ARHGAP5: variants seen among roughly 807,000 people sequenced by gnomAD.
ARHGAP5 encodes Rho GTPase activating protein 5.
In ARHGAP5, 23 loss-of-function variants were observed where a neutral mutation model predicts 116.6. The observed-to-expected ratio is 0.20, with a 90% CI of 0.14 to 0.28. The LOEUF (loss-of-function observed/expected upper bound fraction) is 0.28. Among genes scored for constraint, ARHGAP5 ranks in the 10% least tolerant of loss-of-function variants. The probability of loss-of-function intolerance (pLI) is 1.00; values close to 1 mark genes in which losing one functional copy is unlikely to be tolerated. For missense variants in ARHGAP5, 1,405 were observed against 1,774.8 expected (o/e 0.79, Z 3.74); for synonymous variants, 574 against 602.0 (o/e 0.95, Z 0.68).
intron 2 of ARHGAP5, among the ~76,000 whole-genome samples, chr14:32,108,121 A>G (rs1380762542): frequency 6.6e-6 from 1 of 152,176 alleles, no homozygotes; most frequent in Non-Finnish European, 1.5e-5. Context: ...TCTGGTCGTG[A>G]CAAGCGGTTT....
At chr14:32,081,903 G>A (rs1160830676) in intron 1 of ARHGAP5, among the ~76,000 whole-genome samples, 2 of 152,140 alleles carry the variant, frequency 1.3e-5, no homozygotes, top group Non-Finnish European at 1.5e-5. Flanking sequence ...CTAGAGCAGC[G>A]ATCCTTTTTG....
At chr14:32,115,527 G>A (rs1267118153) in intron 2 of ARHGAP5, among the ~76,000 whole-genome samples, 10 of 151,878 alleles carry the variant, frequency 6.6e-5, no homozygotes, top group Admixed American at 2.6e-4. Flanking sequence ...TTAGCCGGGC[G>A]TGGTGGCGGG....
intron 2 of ARHGAP5, among the ~76,000 whole-genome samples, chr14:32,108,486 G>A (rs1879123154): frequency 6.6e-6 from 1 of 151,868 alleles, no homozygotes; most frequent in Non-Finnish European, 1.5e-5. Flanking sequence ...ATTATAGAGG[G>A]AAAAGATGAA....
intron 3 of ARHGAP5, among the ~76,000 whole-genome samples, chr14:32,118,038 T>C (rs995967551): frequency 6.6e-6 from 1 of 152,228 alleles, no homozygotes; most frequent in African/African-American, 2.4e-5. Context: ...TTGTTACTAA[T>C]GAACCCTTGA....
chr14:32,078,411 G>A (rs1283609040), intron 1 of ARHGAP5: 1 of 152,172 alleles, frequency 6.6e-6, no homozygotes, highest in African/African-American at 2.4e-5. Flanking sequence ...TTAATAAATG[G>A]GAATTCAAAT....
chr14:32,080,809 G>T (rs2041764664), intron 1 of ARHGAP5, among the ~76,000 whole-genome samples: 1 of 152,004 alleles, frequency 6.6e-6, no homozygotes, highest in African/African-American at 2.4e-5. Context: ...TTTGGAAGCT[G>T]TCTACAGTAC....
rs764275676 is a variant in ARHGAP5, at chr14:32,093,118, A to G, written c.2449A>G (p.Met817Val). 9.3e-6 allele frequency: 15 copies of G among 1,613,842 alleles called. 2 individuals are homozygous for G. In the South Asian group the frequency reaches 1.6e-4, roughly 18 times the overall value. ...AAQAGQNNSL[M>V]LDKIIGEKRR... The stretch of plus-strand genomic sequence containing the variant: ...TCAAGCTGGACAGAATAATTCCCTA[A>G]TGCTTGATAAAATCATTGGTGAAAA... Residue 817 changes from methionine (M) to valine (V), a missense_variant, in exon 2 of 7, where the codon ATG becomes GTG. By Grantham distance (21) the Met-to-Val change is conservative (BLOSUM62 1). Coordinates refer to ENST00000345122, the MANE Select transcript of ARHGAP5 (RefSeq NM_001030055.2).
chr14:32,100,668 G>A (rs1878750530), intron 2 of ARHGAP5, among the ~76,000 whole-genome samples: 2 of 152,204 alleles, frequency 1.3e-5, no homozygotes, highest in African/African-American at 2.4e-5. Flanking sequence ...TCGGATTTTA[G>A]TGTCCACAGA....
At chr14:32,124,967 A>G (rs973292970) in intron 3 of ARHGAP5, among the ~76,000 whole-genome samples, 1 of 152,228 alleles carries the variant, frequency 6.6e-6, no homozygotes, top group Non-Finnish European at 1.5e-5. Context: ...ATGATTATCA[A>G]CATTTGAATG....
intron 3 of ARHGAP5, among the ~76,000 whole-genome samples, chr14:32,126,998 C>CT (rs772990418): frequency 0.016 from 2,187 of 134,482 alleles, 29 homozygotes; most frequent in African/African-American, 0.022. Context: ...AATATGATAT[C>CT]TTTTTTTTTT....
chr14:32,093,741 C>T lies in ARHGAP5; in HGVS notation c.3072C>T (p.Thr1024=). Residue 1024 remains threonine, a synonymous_variant, in exon 2 of 7, where the codon ACC becomes ACT. Transcript: ENST00000345122. The part of the protein sequence containing the change: ...LEGNEYPIHS[T]PNCHDHERNH... Reference sequence around the variant, plus strand: ...GAAATGAGTATCCTATTCATAGTACCCCAAACTGTCATGACCATGAACGCA... The same window carrying T: ...GAAATGAGTATCCTATTCATAGTACTCCAAACTGTCATGACCATGAACGCA... 2 of 1,613,908 alleles carry T rather than the reference C, an allele frequency of 1.2e-6. No homozygotes were observed. The highest frequency in any genetic ancestry group is 1.7e-6 in the Non-Finnish European group (2 of 1,179,962).
chr14:32,134,191 GTA>G (rs962206817), intron 3 of ARHGAP5, among the ~76,000 whole-genome samples: 1 of 151,948 alleles, frequency 6.6e-6, no homozygotes, highest in Admixed American at 6.6e-5. Context: ...AATCTTGTGG[GTA>G]TGTTTTCATG....
At chr14:32,115,749 A>C (rs1879533974) in intron 2 of ARHGAP5, among the ~76,000 whole-genome samples, 1 of 150,606 alleles carries the variant, frequency 6.6e-6, no homozygotes, top group Non-Finnish European at 1.5e-5. Flanking sequence ...AGGCAGGTGA[A>C]TCATGAGGTC....
chr14:32,094,452 C>A, intron 2 of ARHGAP5, 66 bp downstream of exon 2: 3 of 1,212,960 alleles, frequency 2.5e-6, no homozygotes, highest in Non-Finnish European at 3.5e-6. Flanking sequence ...AAAATACTGA[C>A]ATCAGTGTTA....
At chr14:32,084,690 A>G (rs142986765) in intron 1 of ARHGAP5, among the ~76,000 whole-genome samples, 1 of 152,172 alleles carries the variant, frequency 6.6e-6, no homozygotes, top group Admixed American at 6.5e-5. Flanking sequence ...TTGCCTGATT[A>G]TATTCTTGTT....
chr14:32,128,505 G>A (rs1054033935), intron 3 of ARHGAP5, among the ~76,000 whole-genome samples: 36 of 152,362 alleles, frequency 2.4e-4, no homozygotes, highest in African/African-American at 7.7e-4. Flanking sequence ...TCATTCCAAG[G>A]ATGGCTCTGC....
chr14:32,152,647 T>A, intron 6 of ARHGAP5, 119 bp downstream of exon 6: 1 of 511,048 alleles, frequency 2.0e-6, no homozygotes, highest in Non-Finnish European at 3.4e-6. Context: ...AAACATATAG[T>A]TGAATTTTGT....
At chr14:32,117,064 C>T (rs145575729) in intron 2 of ARHGAP5, 76 bp from the exon 3 acceptor site, 255 of 1,156,542 alleles carry the variant, frequency 2.2e-4, no homozygotes, top group East Asian at 1.3e-3. Context: ...TGATCCGAAC[C>T]GTGTATTTAC....
At chr14:32,104,563 A>G (rs1241372075) in intron 2 of ARHGAP5, among the ~76,000 whole-genome samples, 2 of 152,190 alleles carry the variant, frequency 1.3e-5, no homozygotes, top group Non-Finnish European at 2.9e-5. Context: ...GGGATTAAAT[A>G]AACCTTTAGA....
Sources: allele counts gnomAD v4.1 joint callset (sites outside exome capture counted in the v4.1 genomes callset), GRCh38; gene constraint gnomAD v4.1.1; transcripts MANE v1.5; gene names NCBI Gene and HGNC (gene_info 2026-07-23, HGNC 2026-07-21).